Variants in FNDC1 observed in about 807,000 individuals in gnomAD.
FNDC1 encodes the protein fibronectin type III domain containing 1, also known as fibronectin type III domain-containing protein 1.
In FNDC1, 96 loss-of-function variants were observed where a neutral mutation model predicts 168.0. That is an observed-to-expected ratio of 0.57 (90% CI 0.48 to 0.68). The LOEUF is 0.68. Among genes scored for constraint, FNDC1 ranks in the 30% least tolerant of loss-of-function variants. The pLI, the probability that FNDC1 is intolerant of heterozygous loss-of-function variation, is 0.00. For missense variants in FNDC1, 2,587 were observed against 2,482.1 expected, an observed-to-expected ratio of 1.04 and a Z score of -0.90; for synonymous variants, 1,099 against 1,025.9, an observed-to-expected ratio of 1.07 and a Z score of -1.36.
rs1352999213 is a variant in FNDC1 at position 159,269,269 on chromosome 6, T to C, written c.5569+1343T>C. On this transcript the variant is annotated intron_variant, in intron 22 of 22. Transcript: ENST00000297267. The stretch of plus-strand genomic sequence containing the variant: ...TCTATCCATCTATCATCTATCTATC[T>C]ATCTATCTATCTATCTATCTATCCA... Among the ~76,000 whole-genome samples the C allele has an allele frequency of 1.4e-4, 11 of 81,376 alleles. 1 individual carries two copies. The highest frequency in any genetic ancestry group is 3.1e-4 in the Non-Finnish European group (9 of 29,460). The allele number at this position is 81,376 out of a possible 152,430, so 53.4% of individuals were successfully genotyped here.
intron 18 of FNDC1, among the ~76,000 whole-genome samples, chr6:159,257,402 A>G (rs1445641501): frequency 6.6e-6 from 1 of 152,184 alleles, no homozygotes; most frequent in African/African-American, 2.4e-5. Flanking sequence ...GGCCAATTTT[A>G]AGCCACCATG....
chr6:159,210,908 A>G (rs972755273), intron 4 of FNDC1, among the ~76,000 whole-genome samples: 2 of 151,954 alleles, frequency 1.3e-5, no homozygotes, highest in African/African-American at 4.8e-5. Flanking sequence ...CCTCTTCCTT[A>G]TCAAGCTTCT....
At chr6:159,183,528 A>C (rs1781926389) in intron 1 of FNDC1, among the ~76,000 whole-genome samples, 1 of 152,232 alleles carries the variant, frequency 6.6e-6, no homozygotes, top group African/African-American at 2.4e-5. Flanking sequence ...CCACATATGG[A>C]TGGTCTTTGC....
chr6:159,233,183 A>G lies in FNDC1; in HGVS notation c.2671A>G (p.Asn891Asp), dbSNP rs1783142393. Residue 891 changes from asparagine (N) to aspartate (D), a missense_variant, in exon 11 of 23, where the codon AAT becomes GAT. Coordinates refer to ENST00000297267, the MANE Select transcript of FNDC1 (RefSeq NM_032532.3). This position sits in a 1 kb window ranked among gnomAD's most constrained non-coding sequence, Gnocchi z 4.6. ...GAAGCCGCTTCCTGCCACCGTTGTC[A>G]ATGACCACGTGCCTTCCTCCTCCAG... is the stretch of plus-strand genomic sequence containing the variant. Reference protein sequence around the residue: ...DEKPLPATVVNDHVPSSSRQP... With the variant: ...DEKPLPATVVDDHVPSSSRQP... 6.2e-7 allele frequency: 1 copy of G among 1,611,272 alleles called. No individual in the cohort carries two copies. Among genetic ancestry groups the G allele is most frequent in the African/African-American group, 1.3e-5 (1 of 74,914 alleles).
intron 4 of FNDC1, among the ~76,000 whole-genome samples, chr6:159,202,507 A>G (rs1782402043): frequency 6.6e-6 from 1 of 152,232 alleles, no homozygotes; most frequent in Admixed American, 6.5e-5. Context: ...AAATGCAGAC[A>G]TTAGCATGGG....
At chr6:159,192,000 G>A (rs1315934961) in intron 1 of FNDC1, among the ~76,000 whole-genome samples, 1 of 152,092 alleles carries the variant, frequency 6.6e-6, no homozygotes, top group Admixed American at 6.5e-5. Flanking sequence ...TTCCCATGTA[G>A]CTGGGACTAC....
chr6:159,190,567 T>C (rs1810984), intron 1 of FNDC1, among the ~76,000 whole-genome samples: 77,169 of 152,138 alleles, frequency 0.51, 21,706 homozygotes, highest in African/African-American at 0.76. Flanking sequence ...CTTCTGGGTC[T>C]TCCAGTGGTC....
At chr6:159,184,193 T>C (rs960223486) in intron 1 of FNDC1, among the ~76,000 whole-genome samples, 1 of 152,256 alleles carries the variant, frequency 6.6e-6, no homozygotes, top group East Asian at 1.9e-4. Flanking sequence ...ATAACACAGC[T>C]CATTTTAAAT....
In FNDC1 at chr6:159,200,578, A is replaced by G. The variant is rs1298112104; in HGVS notation, c.457A>G (p.Thr153Ala). The change falls in exon 4 of 23, where the codon ACA becomes GCA. Residue 153 changes from threonine to alanine, a missense_variant. Physicochemically the swap from Thr to Ala is moderately conservative, Grantham distance 58. Coordinates refer to ENST00000297267, the MANE Select transcript of FNDC1 (RefSeq NM_032532.3). ...TCCAGGACCATTTAATGAAACCGTC[A>G]CAGGTACTACTTCCTCCTTCATGTC... The part of the protein sequence containing the change: ...KGPGPFNETV[T>A]EKEVPNKPLR... 3 of 1,589,260 alleles carry G rather than the reference A, an allele frequency of 1.9e-6. No homozygotes were observed. Among genetic ancestry groups the G allele is most frequent in the Non-Finnish European group, 2.6e-6 (3 of 1,166,198 alleles).
chr6:159,173,957 A>G (rs1392013310), intron 1 of FNDC1, among the ~76,000 whole-genome samples: 1 of 152,124 alleles, frequency 6.6e-6, no homozygotes, highest in African/African-American at 2.4e-5. Context: ...GGAAGCAAAC[A>G]TTTCGGGAGA....
intron 9 of FNDC1, 128 bp downstream of exon 9, chr6:159,226,708 C>T (rs1249979708): frequency 1.6e-5 from 10 of 615,760 alleles, no homozygotes; most frequent in African/African-American, 7.6e-5. Flanking sequence ...ACCCAAGGGA[C>T]GAGGATATTT....
rs138763795 is a variant in FNDC1 at position 159,221,337 on chromosome 6, A to C, written c.668-261A>C. Among the ~76,000 whole-genome samples the C allele has an allele frequency of 9.9e-4, 151 of 152,280 alleles. 2 individuals are homozygous for C. Among genetic ancestry groups the C allele is most frequent in the African/African-American group, 3.6e-3 (148 of 41,550 alleles). On this transcript the variant is annotated intron_variant, in intron 5 of 22. Transcript: ENST00000297267. ...TGCTTATCTCTTTTTGATGCTGATGAGGTAGAAACCTATTTTTCAGGAATT... is the reference window on the plus strand; with the variant it reads ...TGCTTATCTCTTTTTGATGCTGATGCGGTAGAAACCTATTTTTCAGGAATT...
At chr6:159,179,260 C>T (rs535779342) in intron 1 of FNDC1, among the ~76,000 whole-genome samples, 121 of 152,278 alleles carry the variant, frequency 7.9e-4, no homozygotes, top group African/African-American at 2.6e-3. Context: ...GTCAGGAGAT[C>T]GAGACCAGCC....
At chr6:159,189,592 G>A (rs933710010) in intron 1 of FNDC1, among the ~76,000 whole-genome samples, 6 of 152,180 alleles carry the variant, frequency 3.9e-5, no homozygotes, top group Non-Finnish European at 8.8e-5. Flanking sequence ...TGAAGAAACG[G>A]CACCGATTTC....
intron 22 of FNDC1, among the ~76,000 whole-genome samples, chr6:159,270,213 T>C (rs961900473): frequency 6.6e-6 from 1 of 152,118 alleles, no homozygotes. Context: ...TGCAAGTCTG[T>C]CTTGGTTTTG....
Position 159,271,330 on chromosome 6 carries a change from A to G in FNDC1, c.5573A>G (p.Tyr1858Cys). 1.9e-6 allele frequency: 3 copies of G among 1,604,230 alleles called. No homozygotes were observed. Among genetic ancestry groups the G allele is most frequent in the Non-Finnish European group, 2.6e-6 (3 of 1,175,182 alleles). The change falls in exon 23 of 23, where the codon TAC becomes TGC. Residue 1858 changes from tyrosine (Y) to cysteine (C), a missense_variant. Tyr to Cys is a radical substitution (Grantham distance 194, BLOSUM62 -2). Transcript: ENST00000297267. ...YVEALPTIQG[Y>C]YRQYRQEPVR... ...CCCTCTCCTGTTGCCCTTCCAGGCT[A>G]CTATCGCCAGTATCGTCAGGAGCCT...
chr6:159,245,641 G>A (rs1783524193), intron 14 of FNDC1, among the ~76,000 whole-genome samples: 2 of 152,140 alleles, frequency 1.3e-5, no homozygotes, highest in African/African-American at 4.8e-5. Flanking sequence ...AAACTACCCT[G>A]ATAATGGAGG....
intron 1 of FNDC1, among the ~76,000 whole-genome samples, chr6:159,180,364 C>T (rs1781854528): frequency 6.6e-6 from 1 of 152,202 alleles, no homozygotes; most frequent in Non-Finnish European, 1.5e-5. Flanking sequence ...AGGTCACATT[C>T]ACAAATACCA....
At chr6:159,267,955 T>C (rs1777623894) in intron 22 of FNDC1, 29 bp downstream of exon 22, 3 of 1,593,832 alleles carry the variant, frequency 1.9e-6, no homozygotes, top group Non-Finnish European at 1.7e-6. Flanking sequence ...TGATATATTA[T>C]CCTAGGAGGT....
Sources: gnomAD v4.1 joint callset for allele counts (sites outside exome capture counted in the v4.1 genomes callset) on GRCh38, gnomAD v4.1.1 for gene constraint, Gnocchi (gnomAD v3.1) non-coding constraint, MANE v1.5 for transcripts, NCBI Gene and HGNC (gene_info 2026-07-23, HGNC 2026-07-21) for gene names.